Variants in MACC1 observed in about 807,000 individuals in gnomAD.
MACC1 encodes the protein metastasis-associated in colon cancer protein 1.
In MACC1, 79 loss-of-function variants were observed where a neutral mutation model predicts 70.7. That is an observed-to-expected ratio of 1.12 (90% CI 0.93 to 1.35). The LOEUF (loss-of-function observed/expected upper bound fraction) is 1.35. Ranked by LOEUF, MACC1 falls within the 40% of genes most tolerant of loss-of-function variation. The pLI, the probability that MACC1 is intolerant of heterozygous loss-of-function variation, is 0.00. For missense variants in MACC1, 1,106 were observed against 978.1 expected (o/e 1.13, Z -1.74); for synonymous variants, 361 against 347.2 (o/e 1.04, Z -0.44).
intron 1 of MACC1, among the ~76,000 whole-genome samples, chr7:20,179,089 CAAAT>C (rs565146050): frequency 2.5e-3 from 383 of 152,222 alleles, no homozygotes; most frequent in Non-Finnish European, 4.0e-3. Context: ...GTGTTCTCAA[CAAAT>C]AAATCAGTGC....
intron 1 of MACC1, among the ~76,000 whole-genome samples, chr7:20,199,908 T>A (rs1036661185): frequency 1.3e-5 from 2 of 152,152 alleles, no homozygotes; most frequent in Non-Finnish European, 2.9e-5. Flanking sequence ...TTATACATGC[T>A]TTTATAAAGG....
intron 1 of MACC1, among the ~76,000 whole-genome samples, chr7:20,193,890 C>T (rs1485560466): frequency 6.6e-6 from 1 of 152,062 alleles, no homozygotes; most frequent in East Asian, 1.9e-4. Flanking sequence ...CTTTATTCCC[C>T]CGCCCCCACA....
intron 1 of MACC1, among the ~76,000 whole-genome samples, chr7:20,187,046 A>T (rs1044328714): frequency 6.6e-6 from 1 of 152,200 alleles, no homozygotes; most frequent in Admixed American, 6.5e-5. Context: ...TTCAACTCAC[A>T]ATTTTTTGAA....
At chr7:20,168,477 T>C (rs183140595) in intron 2 of MACC1, among the ~76,000 whole-genome samples, 7 of 152,226 alleles carry the variant, frequency 4.6e-5, no homozygotes, top group Non-Finnish European at 7.4e-5. Context: ...ACAGTGATCA[T>C]AGAACACAAA....
chr7:20,200,197 G>GA (rs1468733144), intron 1 of MACC1, among the ~76,000 whole-genome samples: 1 of 151,902 alleles, frequency 6.6e-6, no homozygotes, highest in Non-Finnish European at 1.5e-5. Flanking sequence ...GGGGCTAACT[G>GA]AAAAAACACG....
chr7:20,155,082 A>G (rs985385054), intron 5 of MACC1, among the ~76,000 whole-genome samples: 3 of 152,208 alleles, frequency 2.0e-5, no homozygotes, highest in Non-Finnish European at 4.4e-5. Flanking sequence ...ATAGAAAACC[A>G]TCAGGCTCTT....
In MACC1 at chr7:20,159,639, A is replaced by C; in HGVS notation, c.722T>G (p.Val241Gly). The change falls in exon 5 of 7, where the codon GTG (valine) becomes GGG (glycine). Residue 241 changes from valine to glycine, a missense_variant. Transcript: ENST00000400331. Reference sequence around the variant, plus strand: ...CACCTCTTGGAATTCTCCCACAGCCACATGACCTTGGGGCACATGAACAGT... The same window carrying C: ...CACCTCTTGGAATTCTCCCACAGCCCCATGACCTTGGGGCACATGAACAGT... ...DITVHVPQGH[V>G]AVGEFQEVSL... The C allele has an allele frequency of 6.2e-7, 1 of 1,614,180 alleles. No homozygotes were observed. The highest frequency in any genetic ancestry group is 8.5e-7 in the Non-Finnish European group (1 of 1,180,040).
At chr7:20,173,095 C>A (rs1406124741) in intron 1 of MACC1, among the ~76,000 whole-genome samples, 1 of 152,136 alleles carries the variant, frequency 6.6e-6, no homozygotes, top group Non-Finnish European at 1.5e-5. Flanking sequence ...TTTAAAAATA[C>A]AGATGCCCAG....
chr7:20,211,316 CAGTT>C (rs1251873970), intron 1 of MACC1, among the ~76,000 whole-genome samples: 2 of 151,972 alleles, frequency 1.3e-5, no homozygotes, highest in Non-Finnish European at 2.9e-5. Context: ...AGTAAGTACT[CAGTT>C]GGTACTAATA....
intron 1 of MACC1, among the ~76,000 whole-genome samples, chr7:20,180,268 C>G (rs1399541308): frequency 6.6e-6 from 1 of 150,832 alleles, no homozygotes; most frequent in Non-Finnish European, 1.5e-5. Context: ...CACGGTAAAA[C>G]CCCGTCTCTA....
rs1390539549 is a variant in MACC1, at chr7:20,138,418, A to T, written c.*2528T>A. ...CTTCTTAGATCTTGGAGCCTGGAAA[A>T]ACCCAGTTATTAATCCCCACTATCC... is the stretch of plus-strand genomic sequence containing the variant. On this transcript the variant is annotated 3_prime_UTR_variant, in exon 7 of 7. Transcript: ENST00000400331. The T allele has an allele frequency of 6.6e-6, 1 of 151,994 alleles. No individual in the cohort carries two copies. Among genetic ancestry groups the T allele is most frequent in the East Asian group, 1.9e-4 (1 of 5,188 alleles). The allele number at this position is 151,994 out of a possible 1,614,324, so 9.4% of individuals were successfully genotyped here.
chr7:20,166,499 A>T (rs28526084), intron 2 of MACC1, among the ~76,000 whole-genome samples: 1 of 152,286 alleles, frequency 6.6e-6, no homozygotes, highest in Admixed American at 6.5e-5. Flanking sequence ...CTGATTGGTA[A>T]TTTTTAATAG....
At chr7:20,179,234 A>G (rs1782461815) in intron 1 of MACC1, among the ~76,000 whole-genome samples, 1 of 113,190 alleles carries the variant, frequency 8.8e-6, no homozygotes, top group Non-Finnish European at 1.7e-5. Context: ...AGGTCTTGCT[A>G]TCTTACAGAA....
intron 6 of MACC1, among the ~76,000 whole-genome samples, chr7:20,148,893 C>T (rs2128101042): frequency 6.6e-6 from 1 of 152,272 alleles, no homozygotes; most frequent in Non-Finnish European, 1.5e-5. Flanking sequence ...CCATATAATA[C>T]TTTTCCCTTC....
rs926236486 is a variant in MACC1, at chr7:20,214,547, A to G, written c.-218+2752T>C. Reference sequence around the variant, plus strand: ...AGGTTAATGTCTATTAGTACCATAAATGAAAAAAGCTGATATCTATTGTAA... The same window carrying G: ...AGGTTAATGTCTATTAGTACCATAAGTGAAAAAAGCTGATATCTATTGTAA... On this transcript the variant is annotated intron_variant, in intron 1 of 6. Transcript: ENST00000400331. 2.0e-5 allele frequency among the ~76,000 whole-genome samples: 3 copies of G among 152,204 alleles called. No individual in the cohort carries two copies. In the East Asian group the frequency reaches 5.8e-4, roughly 29 times the overall value.
chr7:20,152,756 T>C (rs1199977318), intron 6 of MACC1, among the ~76,000 whole-genome samples: 1 of 152,140 alleles, frequency 6.6e-6, no homozygotes, highest in Non-Finnish European at 1.5e-5. Context: ...AGACAAACTA[T>C]AAACAACCAC....
intron 1 of MACC1, among the ~76,000 whole-genome samples, chr7:20,207,486 C>T (rs1026306784): frequency 1.3e-5 from 2 of 152,044 alleles, no homozygotes; most frequent in Non-Finnish European, 2.9e-5. Context: ...TTTCCTTCTC[C>T]TCTATAATAT....
chr7:20,170,535 G>A (rs1782288103), intron 2 of MACC1, 179 bp downstream of exon 2: 1 of 152,194 alleles, frequency 6.6e-6, no homozygotes, highest in African/African-American at 2.4e-5. Context: ...TCACCTCTCT[G>A]AAGGGGAAAA....
intron 2 of MACC1, among the ~76,000 whole-genome samples, chr7:20,169,615 C>G (rs1350373771): frequency 6.6e-6 from 1 of 152,186 alleles, no homozygotes; most frequent in Non-Finnish European, 1.5e-5. Flanking sequence ...CATCAGTCAG[C>G]AATGTCTTTC....
Sources: allele counts gnomAD v4.1 joint callset (sites outside exome capture counted in the v4.1 genomes callset), GRCh38; gene constraint gnomAD v4.1.1; transcripts MANE v1.5; gene names NCBI Gene and HGNC (gene_info 2026-07-23, HGNC 2026-07-21).